The following MED23 variants were observed in gnomAD, a reference collection of about 807,000 sequenced individuals.
The protein encoded by MED23 is mediator complex subunit 23, also known as mediator of RNA polymerase II transcription subunit 23.
In MED23, 105 loss-of-function variants were observed where a neutral mutation model predicts 163.9. That is an observed-to-expected ratio of 0.64 (90% CI 0.55 to 0.75). The LOEUF is 0.75. MED23 is among the 30% of genes least tolerant of loss of function. The pLI is 0.00. For missense variants in MED23, 1,054 were observed against 1,649.0 expected, an observed-to-expected ratio of 0.64 and a Z score of 6.25; for synonymous variants, 561 against 565.6, an observed-to-expected ratio of 0.99 and a Z score of 0.12.
intron 10 of MED23, among the ~76,000 whole-genome samples, chr6:131,610,663 T>C (rs1287342906): frequency 1.3e-5 from 2 of 152,216 alleles, no homozygotes; most frequent in African/African-American, 2.4e-5. Context: ...GCATCAAACA[T>C]TGTGACAGAA....
intron 12 of MED23, among the ~76,000 whole-genome samples, chr6:131,607,676 CAA>C (rs935710487): frequency 9.9e-5 from 15 of 151,996 alleles, no homozygotes; most frequent in African/African-American, 3.6e-4. Context: ...GCTCAACTGT[CAA>C]AGAAAAAATA....
chr6:131,593,467 C>T (rs1400392517), intron 23 of MED23, among the ~76,000 whole-genome samples: 3 of 152,014 alleles, frequency 2.0e-5, no homozygotes, highest in African/African-American at 7.2e-5. Context: ...AGTTATAAGA[C>T]ATTAATATGA....
chr6:131,609,940 G>T, intron 11 of MED23, 106 bp downstream of exon 11: 1 of 1,058,618 alleles, frequency 9.4e-7, no homozygotes, highest in Non-Finnish European at 1.5e-6. Flanking sequence ...AGAAATTAGG[G>T]CTCAGAACTT....
rs548301480 is a variant in MED23, at chr6:131,622,167, T to C, written c.397-188A>G. Among the ~76,000 whole-genome samples the C allele has an allele frequency of 8.5e-5, 13 of 152,358 alleles. No homozygotes were observed. In the South Asian group the frequency reaches 2.5e-3, roughly 29 times the overall value. On this transcript the variant is annotated intron_variant, in intron 5 of 28. Transcript: ENST00000368068. ...TGTTCCAAAACAGAGTTCTAAAGACTGTCTTAAAATACAATGAGCAAAGAA... is the reference window on the plus strand; with the variant it reads ...TGTTCCAAAACAGAGTTCTAAAGACCGTCTTAAAATACAATGAGCAAAGAA...
chr6:131,582,313 G>A (rs1422579273), downstream of MED23, among the ~76,000 whole-genome samples: 2 of 152,114 alleles, frequency 1.3e-5, no homozygotes, highest in Non-Finnish European at 2.9e-5. Context: ...ACTGAGAAAG[G>A]GAAGTAAAGA....
At chr6:131,621,804 G>A (rs1777125978) in intron 6 of MED23, 77 bp downstream of exon 6, 1 of 850,700 alleles carries the variant, frequency 1.2e-6, no homozygotes, top group South Asian at 2.4e-5. Context: ...AATACCGTAA[G>A]TATTAAAAGC....
At chr6:131,583,391 C>CAGACT, downstream of MED23, 1 of 1,614,106 alleles carries the variant, frequency 6.2e-7, no homozygotes, top group Non-Finnish European at 8.5e-7. Context: ...TTGATGTTGA[C>CAGACT]GGACTGGACC....
Position 131,602,332 on chromosome 6 carries a change from C to A in MED23, c.1981G>T (p.Val661Leu), listed in dbSNP as rs1469074927. 2 of 1,613,774 alleles carry A rather than the reference C, an allele frequency of 1.2e-6. No homozygotes were observed. The highest frequency in any genetic ancestry group is 3.3e-5 in the Admixed American group (2 of 59,996). The change falls in exon 17 of 29, where the codon GTA becomes TTA. Residue 661 changes from valine (V) to leucine (L), a missense_variant. Coordinates refer to ENST00000368068, the MANE Select transcript of MED23 (RefSeq NM_004830.4). The part of the protein sequence containing the change: ...RLITALGSSE[V>L]QPQFTRFLSD... ...AGGAAGCGTGTAAACTGCGGTTGTA[C>A]CTCTGAGCTACCTAATGCTGTTATA...
intron 9 of MED23, among the ~76,000 whole-genome samples, chr6:131,616,761 C>T (rs927404513): frequency 7.2e-5 from 11 of 152,112 alleles, no homozygotes; most frequent in Admixed American, 1.3e-4. Context: ...GTTGAGGGTG[C>T]GGTGAGCTGT....
chr6:131,617,730 G>A (rs1160763013), intron 9 of MED23, among the ~76,000 whole-genome samples: 1 of 152,136 alleles, frequency 6.6e-6, no homozygotes, highest in Non-Finnish European at 1.5e-5. Context: ...GTTGTAAAAA[G>A]AGCAACTAGG....
chr6:131,577,916 A>G (rs570050427), intron 30 of MED23, among the ~76,000 whole-genome samples: 6 of 152,030 alleles, frequency 3.9e-5, no homozygotes, highest in South Asian at 4.1e-4. Flanking sequence ...AAAAAAAAAA[A>G]AAAAGAAAAA....
Position 131,594,088 on chromosome 6 carries a change from A to G in MED23, c.3232+11T>C. 1 of 1,590,594 alleles carries G rather than the reference A, an allele frequency of 6.3e-7. No individual in the cohort carries two copies. Among genetic ancestry groups the G allele is most frequent in the Non-Finnish European group, 8.6e-7 (1 of 1,159,226 alleles). ...ATTTCTGGGAGTCTAAAATCACAAT[A>G]AAAAGGATATTATCGACTAGTCTGC... On this transcript the variant is annotated intron_variant, in intron 23 of 28. Coordinates refer to ENST00000368068, the MANE Select transcript of MED23 (RefSeq NM_004830.4).
At position 131,628,002 on chromosome 6, in the gene MED23, T is replaced by A; in HGVS notation, c.39+9A>T. 6.2e-7 allele frequency: 1 copy of A among 1,613,996 alleles called. No homozygotes were observed. The highest frequency in any genetic ancestry group is 8.5e-7 in the Non-Finnish European group (1 of 1,180,032). ...GCCGTAGTCCTGGATGGCCGGCAGCTGCACTCACCACCACCTCTTCGAAAA... is the reference window on the plus strand; with the variant it reads ...GCCGTAGTCCTGGATGGCCGGCAGCAGCACTCACCACCACCTCTTCGAAAA... On this transcript the variant is annotated intron_variant, in intron 1 of 28. Transcript: ENST00000368068.
rs1313074610 is a variant in MED23, at chr6:131,619,882, T to A, written c.612A>T (p.Leu204=). 4 of 1,610,620 alleles carry A rather than the reference T, an allele frequency of 2.5e-6. No individual in the cohort carries two copies. Among genetic ancestry groups the A allele is most frequent in the Non-Finnish European group, 3.4e-6 (4 of 1,177,488 alleles). ...GKLPHWLLGN[L]VSDFVDTFRP... ...TGAAGGTATCCACAAAGTCTGATAC[T>A]AGGTTTCCAAGTAACTAAAGAGAGA... is the stretch of plus-strand genomic sequence containing the variant. Residue 204 remains leucine (L), a synonymous_variant, in exon 8 of 29, where the codon CTA becomes CTT. Transcript: ENST00000368068.
At chr6:131,601,409 A>G (rs1775469494) in intron 17 of MED23, among the ~76,000 whole-genome samples, 1 of 152,252 alleles carries the variant, frequency 6.6e-6, no homozygotes, top group Non-Finnish European at 1.5e-5. Flanking sequence ...GAAGTTACAA[A>G]ACATGCATGG....
rs191314859 is a variant in MED23 at position 131,597,420 on chromosome 6, G to T, written c.2608-732C>A. Reference sequence around the variant, plus strand: ...GAACCCGGAAGGCAGAGCTTGCAGTGAGCCAACATCACGCCACTGCACTCC... The same window carrying T: ...GAACCCGGAAGGCAGAGCTTGCAGTTAGCCAACATCACGCCACTGCACTCC... On this transcript the variant is annotated intron_variant, in intron 20 of 28. Transcript: ENST00000368068. Among the ~76,000 whole-genome samples the T allele has an allele frequency of 4.6e-4, 63 of 136,454 alleles. 2 individuals carry two copies. Among genetic ancestry groups the T allele is most frequent in the African/African-American group, 1.8e-3 (62 of 34,130 alleles). The allele number at this position is 136,454 out of a possible 152,430, so 89.5% of individuals were successfully genotyped here. A position where few individuals can be genotyped will look rare whatever the true frequency, so the allele number is the denominator to read the frequency against.
At position 131,620,714 on chromosome 6, in the gene MED23, A is replaced by G. The variant is rs377538332; in HGVS notation, c.511T>C (p.Leu171=). 4.3e-6 allele frequency: 7 copies of G among 1,611,178 alleles called. No individual in the cohort carries two copies. The African/African-American group carries it at 8.0e-5, about 18-fold the overall frequency. Residue 171 remains leucine (L), a synonymous_variant, in exon 7 of 29, where the codon TTG becomes CTG. Transcript: ENST00000368068. Reference sequence around the variant, plus strand: ...GGTAATAAGCAGGCATTTCTTTCCAAGATATATGCTATAACCTAAGAAAAA... The same window carrying G: ...GGTAATAAGCAGGCATTTCTTTCCAGGATATATGCTATAACCTAAGAAAAA... ...LAAREVIAYI[L]ERNACLLPAY... is the part of the protein sequence containing the mutation.
chr6:131,597,475 CAAAAAAAAAAAA>C lies in MED23; in HGVS notation c.2608-799_2608-788del, dbSNP rs59083644. ...TGGGCGACAGAGAAAGACTCCATAT[CAAAAAAAAAAAA>C]AAAAAAAAAAGAAAAAAAAAATTCT... is the stretch of plus-strand genomic sequence containing the variant. On this transcript the variant is annotated intron_variant, in intron 20 of 28. Coordinates refer to ENST00000368068, the MANE Select transcript of MED23 (RefSeq NM_004830.4). Among the ~76,000 whole-genome samples the C allele has an allele frequency of 7.4e-5, 4 of 53,752 alleles. No homozygotes were observed. The Admixed American group carries it at 7.9e-4, about 11-fold the overall frequency. The allele number at this position is 53,752 out of a possible 152,430, so 35.3% of individuals were successfully genotyped here. A position where few individuals can be genotyped will look rare whatever the true frequency, so the allele number is the denominator to read the frequency against.
chr6:131,626,207 T>C (rs1291063308), intron 3 of MED23, among the ~76,000 whole-genome samples: 6 of 149,908 alleles, frequency 4.0e-5, no homozygotes, highest in African/African-American at 1.2e-4. Context: ...TTATGGAAAA[T>C]TTAATAATTT....
Sources: allele counts gnomAD v4.1 joint callset (sites outside exome capture counted in the v4.1 genomes callset), GRCh38; gene constraint gnomAD v4.1.1; transcripts MANE v1.5; gene names NCBI Gene and HGNC (gene_info 2026-07-23, HGNC 2026-07-21).